Variants in TNKS observed in about 807,000 individuals in gnomAD.
TNKS encodes poly [ADP-ribose] polymerase tankyrase-1.
A neutral mutation model predicts 135.8 loss-of-function variants in TNKS; 72 were observed. The ratio of observed to expected loss-of-function variants is 0.53; its 90% CI spans 0.44 to 0.64. TNKS has a LOEUF of 0.64. Ranked by LOEUF, TNKS falls within the 30% of genes least tolerant of loss-of-function variation. The pLI is 0.00. For synonymous variants in TNKS, 849 were observed against 649.3 expected, an observed-to-expected ratio of 1.31 and a Z score of -4.68; for missense variants, 1,769 against 1,674.0, an observed-to-expected ratio of 1.06 and a Z score of -0.99.
chr8:9,595,126 ATT>A (rs33914315), intron 2 of TNKS, among the ~76,000 whole-genome samples: 3 of 145,286 alleles, frequency 2.1e-5, no homozygotes, highest in Non-Finnish European at 3.0e-5. Flanking sequence ...CTGAATTGGT[ATT>A]TTTTTTTTTT....
intron 5 of TNKS, among the ~76,000 whole-genome samples, chr8:9,701,731 G>A (rs1436123314): frequency 6.6e-6 from 1 of 152,188 alleles, no homozygotes; most frequent in African/African-American, 2.4e-5. Context: ...AACACAAGGA[G>A]GGGAAAACCA....
intron 26 of TNKS, 89 bp from the exon 27 acceptor site, chr8:9,776,561 T>A (rs576779987): frequency 8.1e-7 from 1 of 1,236,970 alleles, no homozygotes; most frequent in Non-Finnish European, 1.2e-6. Flanking sequence ...TTGGTCACGA[T>A]TAACAGCCTT....
chr8:9,584,935 C>G (rs1451656306), intron 2 of TNKS, among the ~76,000 whole-genome samples: 1 of 151,990 alleles, frequency 6.6e-6, no homozygotes, highest in South Asian at 2.1e-4. Context: ...TGTGGAATAC[C>G]CCAACATCTA....
chr8:9,557,930 A>G (rs1287604769), intron 1 of TNKS: 1 of 152,184 alleles, frequency 6.6e-6, no homozygotes. Context: ...TGTGAAATCA[A>G]ACTTAAACTG....
chr8:9,740,905 G>A (rs577800803), intron 17 of TNKS: 1 of 131,114 alleles, frequency 7.6e-6, no homozygotes, highest in African/African-American at 2.8e-5. Flanking sequence ...CGCCTCCCGG[G>A]TTCACGCCAT....
At chr8:9,699,448 G>A (rs182482304) in intron 5 of TNKS, among the ~76,000 whole-genome samples, 3 of 152,104 alleles carry the variant, frequency 2.0e-5, no homozygotes, top group South Asian at 2.1e-4. Context: ...ATGAGTTTGC[G>A]CAAATCATCC....
intron 17 of TNKS, among the ~76,000 whole-genome samples, chr8:9,740,344 T>C (rs1805874395): frequency 6.6e-6 from 1 of 152,174 alleles, no homozygotes; most frequent in Non-Finnish European, 1.5e-5. Flanking sequence ...TGATAGAAGG[T>C]GGTTTCTAGA....
chr8:9,581,020 A>G (rs1194073895), intron 2 of TNKS, among the ~76,000 whole-genome samples: 1 of 152,170 alleles, frequency 6.6e-6, no homozygotes, highest in Non-Finnish European at 1.5e-5. Context: ...AAGCTTCTAG[A>G]GGGCAAGTAT....
At chr8:9,729,878 A>G (rs747810155) in intron 13 of TNKS, among the ~76,000 whole-genome samples, 17 of 147,990 alleles carry the variant, frequency 1.1e-4, no homozygotes, top group Non-Finnish European at 2.4e-4. Context: ...GGTTCAAGCA[A>G]TTCTCCTGCC....
chr8:9,730,468 C>T (rs965295236), intron 13 of TNKS, among the ~76,000 whole-genome samples: 7 of 152,100 alleles, frequency 4.6e-5, no homozygotes, highest in Admixed American at 2.6e-4. Context: ...GCTTGACTCA[C>T]ATTAGAGACG....
chr8:9,733,450 T>C lies in TNKS; in HGVS notation c.2313+6T>C, dbSNP rs1805540257. 1 of 1,608,984 alleles carries C rather than the reference T, an allele frequency of 6.2e-7. No homozygotes were observed. The highest frequency in any genetic ancestry group is 8.5e-7 in the Non-Finnish European group (1 of 1,177,274). Reference sequence around the variant, plus strand: ...TCTGCAAGCTCCTTTTAAAAGTATGTAGTTTAAAAAGTTATGAAATATAAC... The same window carrying C: ...TCTGCAAGCTCCTTTTAAAAGTATGCAGTTTAAAAAGTTATGAAATATAAC... On this transcript the variant is annotated splice_donor_region_variant and intron_variant, in intron 15 of 26. Transcript: ENST00000310430.
rs150599686 is a variant in TNKS at position 9,761,004 on chromosome 8, G to T, written c.3154-512G>T. On this transcript the variant is annotated intron_variant, in intron 20 of 26. Coordinates refer to ENST00000310430, the MANE Select transcript of TNKS (RefSeq NM_003747.3). ...GTCAATCTCACTGCTTTTTAAGGAA[G>T]CCTGTCCCGGGCTTGAGTATTTCTT... 5.3e-5 allele frequency among the ~76,000 whole-genome samples: 8 copies of T among 152,284 alleles called. No individual in the cohort carries two copies. In the East Asian group the frequency reaches 1.5e-3, roughly 29 times the overall value.
chr8:9,690,324 G>A (rs999714341), intron 5 of TNKS, among the ~76,000 whole-genome samples: 2 of 152,164 alleles, frequency 1.3e-5, no homozygotes, highest in African/African-American at 4.8e-5. Context: ...ATTGAATTAA[G>A]TTGGCATTCA....
chr8:9,558,318 A>C (rs1211458744), intron 1 of TNKS: 5 of 152,212 alleles, frequency 3.3e-5, no homozygotes, highest in Non-Finnish European at 7.4e-5. Context: ...CTTATTAGGA[A>C]TGCAGTGAAT....
intron 3 of TNKS, among the ~76,000 whole-genome samples, chr8:9,621,201 T>G (rs2128767617): frequency 6.6e-6 from 1 of 152,334 alleles, no homozygotes; most frequent in Admixed American, 6.5e-5. Flanking sequence ...ATCAACAGAT[T>G]TCTCAGATGG....
Position 9,752,463 on chromosome 8 carries a change from A to T in TNKS, c.3071-81A>T, listed in dbSNP as rs1464531300. 5 of 963,906 alleles carry T rather than the reference A, an allele frequency of 5.2e-6. No individual in the cohort carries two copies. In the East Asian group the frequency reaches 1.2e-4, roughly 24 times the overall value. 59.7% of individuals were successfully genotyped at this position (963,906 alleles called of 1,614,324 possible). A position where few individuals can be genotyped will look rare whatever the true frequency, so the allele number is the denominator to read the frequency against. ...ATCATCTGACAGCCAAGGTTGTCAGAGTCATGTCTAAATGGATACTGAAAT... is the reference window on the plus strand; with the variant it reads ...ATCATCTGACAGCCAAGGTTGTCAGTGTCATGTCTAAATGGATACTGAAAT... On this transcript the variant is annotated intron_variant, in intron 19 of 26. Transcript: ENST00000310430.
In TNKS at chr8:9,752,623, A is replaced by G. The variant is rs970976378; in HGVS notation, c.3150A>G (p.Glu1050=). 6.3e-7 allele frequency: 1 copy of G among 1,597,578 alleles called. No homozygotes were observed. The highest frequency in any genetic ancestry group is 1.1e-5 in the South Asian group (1 of 90,306). The change falls in exon 20 of 27, where the codon GAA becomes GAG. Residue 1050 remains glutamate, a synonymous_variant. Transcript: ENST00000310430. ...ACCTTCGGGATATCTTTGAAACAGA[A>G]CAGGTAAATACTCTTGTATATATTT... The part of the protein sequence containing the change: ...LEHLRDIFET[E]QITLDVLADM...
At chr8:9,672,292 G>A (rs1295224364) in intron 3 of TNKS, among the ~76,000 whole-genome samples, 4 of 152,080 alleles carry the variant, frequency 2.6e-5, no homozygotes, top group East Asian at 3.9e-4. Flanking sequence ...TACATAATGG[G>A]GGACCTTGGA....
At chr8:9,612,714 A>T (rs1585230375) in intron 2 of TNKS, among the ~76,000 whole-genome samples, 1 of 152,134 alleles carries the variant, frequency 6.6e-6, no homozygotes, top group Admixed American at 6.5e-5. Context: ...CGAGGGAGGG[A>T]TGAGGACCCT....
Sources: gnomAD v4.1 joint callset for allele counts (sites outside exome capture counted in the v4.1 genomes callset) on GRCh38, gnomAD v4.1.1 for gene constraint, MANE v1.5 for transcripts, NCBI Gene and HGNC (gene_info 2026-07-23, HGNC 2026-07-21) for gene names.